EIF4E1B: variants seen among roughly 807,000 people sequenced by gnomAD.
EIF4E1B encodes eukaryotic translation initiation factor 4E family member 1B, also known as eukaryotic translation initiation factor 4E type 1B.
EIF4E1B carries 22 observed loss-of-function variants against 31.3 expected under a neutral mutation model. That is an observed-to-expected ratio of 0.70 (90% confidence interval 0.50 to 1.00). EIF4E1B has a LOEUF of 1.00. Among genes scored for constraint, EIF4E1B ranks in the 50% least tolerant of loss-of-function variants. EIF4E1B has a pLI of 0.00. For missense variants in EIF4E1B, 290 were observed against 311.6 expected (o/e 0.93, Z 0.52); for synonymous variants, 126 against 120.2 (o/e 1.05, Z -0.31).
At chr5:176,634,347 G>T (rs182436184) in intron 1 of EIF4E1B, among the ~76,000 whole-genome samples, 2 of 152,142 alleles carry the variant, frequency 1.3e-5, no homozygotes, top group Non-Finnish European at 2.9e-5. Flanking sequence ...GGCGGGAAAA[G>T]GGTAGGCAGG....
intron 1 of EIF4E1B, among the ~76,000 whole-genome samples, chr5:176,635,280 G>A (rs1283126033): frequency 6.6e-6 from 1 of 152,022 alleles, no homozygotes; most frequent in Non-Finnish European, 1.5e-5. Flanking sequence ...CTAGAGGGAG[G>A]CCGAAGGAGA....
At chr5:176,643,765 TG>T (rs754129447) in intron 5 of EIF4E1B, 31 bp downstream of exon 5, 3 of 1,592,680 alleles carry the variant, frequency 1.9e-6, no homozygotes, top group Admixed American at 1.8e-5. Context: ...GGGCTAGAGT[TG>T]GGGGGCTCTG....
At chr5:176,632,423 T>G (rs1760418407) in intron 1 of EIF4E1B, among the ~76,000 whole-genome samples, 1 of 152,100 alleles carries the variant, frequency 6.6e-6, no homozygotes, top group Non-Finnish European at 1.5e-5. Flanking sequence ...GCCCAGCTAA[T>G]TTTTGTATTT....
At chr5:176,639,685 G>A (rs1440980731) in intron 1 of EIF4E1B, among the ~76,000 whole-genome samples, 1 of 152,152 alleles carries the variant, frequency 6.6e-6, no homozygotes, top group Non-Finnish European at 1.5e-5. Context: ...GGGAAGCAAA[G>A]GCAGGAGAAT....
chr5:176,644,356 G>T lies in EIF4E1B; in HGVS notation c.297-20G>T. ...CTAAAAAGCCTTGACTTTTGGCATG[G>T]GGTCGGGGGCTCTGTCCAGGCTATA... On this transcript the variant is annotated intron_variant, in intron 5 of 8. Coordinates refer to ENST00000318682, the MANE Select transcript of EIF4E1B (RefSeq NM_001099408.2). 6.3e-7 allele frequency: 1 copy of T among 1,577,860 alleles called. No homozygotes were observed. Among genetic ancestry groups the T allele is most frequent in the Non-Finnish European group, 8.6e-7 (1 of 1,161,348 alleles).
chr5:176,635,772 G>A (rs1013872234), intron 1 of EIF4E1B, among the ~76,000 whole-genome samples: 1 of 152,130 alleles, frequency 6.6e-6, no homozygotes, highest in Non-Finnish European at 1.5e-5. Flanking sequence ...GAAGAGGGGA[G>A]GTAGGGTAAA....
chr5:176,642,986 T>G (rs1760614664), intron 3 of EIF4E1B, 96 bp from the exon 4 acceptor site: 1 of 1,514,986 alleles, frequency 6.6e-7, no homozygotes, highest in Non-Finnish European at 8.9e-7. Flanking sequence ...GTGAGTCCCC[T>G]GCCTTCCCCT....
chr5:176,636,588 C>T (rs1178579703), intron 1 of EIF4E1B, among the ~76,000 whole-genome samples: 11 of 152,160 alleles, frequency 7.2e-5, no homozygotes, highest in Non-Finnish European at 1.3e-4. Context: ...CTGTGTGTGG[C>T]GCCTGGCAGA....
intron 1 of EIF4E1B, among the ~76,000 whole-genome samples, chr5:176,637,766 T>A (rs2113441258): frequency 1.3e-5 from 2 of 152,186 alleles, no homozygotes; most frequent in Middle Eastern, 6.8e-3. Flanking sequence ...GAGGGCCTTG[T>A]GGGCTCCTGC....
intron 1 of EIF4E1B, among the ~76,000 whole-genome samples, chr5:176,639,328 A>G (rs1178518323): frequency 2.0e-5 from 3 of 152,194 alleles, no homozygotes; most frequent in African/African-American, 7.2e-5. Context: ...CTGGGATTTA[A>G]GAGCCCCTGC....
In EIF4E1B at chr5:176,645,741, T is replaced by C. The variant is rs1238344662; in HGVS notation, c.615-125T>C. On this transcript the variant is annotated intron_variant, in intron 8 of 8. Transcript: ENST00000318682. The surrounding 1 kb of genome is among the most constrained non-coding windows in gnomAD (Gnocchi z 5.4). Reference sequence around the variant, plus strand: ...GGGGGTCATATTTTGGGTTTCCACATGGGTAAGACACAACAGGTGTGGCTG... The same window carrying C: ...GGGGGTCATATTTTGGGTTTCCACACGGGTAAGACACAACAGGTGTGGCTG... 9.0e-7 allele frequency: 1 copy of C among 1,110,312 alleles called. No homozygotes were observed. Among genetic ancestry groups the C allele is most frequent in the Non-Finnish European group, 1.3e-6 (1 of 794,734 alleles). 68.8% of individuals were successfully genotyped at this position (1,110,312 alleles called of 1,614,324 possible). A position where few individuals can be genotyped will look rare whatever the true frequency, so the allele number is the denominator to read the frequency against.
At chr5:176,637,848 AT>A (rs1001469703) in intron 1 of EIF4E1B, among the ~76,000 whole-genome samples, 2 of 152,122 alleles carry the variant, frequency 1.3e-5, no homozygotes, top group Admixed American at 6.5e-5. Context: ...GGAGGGGACT[AT>A]TCTTGGGCAA....
In EIF4E1B at chr5:176,645,928, C is replaced by A. The variant is rs746706986; in HGVS notation, c.677C>A (p.Ala226Glu). The A allele has an allele frequency of 1.2e-6, 2 of 1,610,198 alleles. No individual in the cohort carries two copies. The highest frequency in any genetic ancestry group is 1.1e-5 in the South Asian group (1 of 90,226). Residue 226 changes from alanine (A) to glutamate (E), a missense_variant, in exon 9 of 9, where the codon GCA becomes GAA. Ala to Glu is a moderately radical substitution (Grantham distance 107). Transcript: ENST00000318682. This position sits in a 1 kb window ranked among gnomAD's most constrained non-coding sequence, Gnocchi z 5.4. The part of the protein sequence containing the change: ...PKTIIGYQAH[A>E]DTATKSNSLA... The stretch of plus-strand genomic sequence containing the variant: ...ACCATCATTGGGTACCAGGCCCATG[C>A]AGACACAGCCACCAAGAGCAACTCC...
Position 176,643,643 on chromosome 5 carries a change from G to A in EIF4E1B, c.205G>A (p.Ala69Thr), listed in dbSNP as rs1760637521. The A allele has an allele frequency of 6.2e-7, 1 of 1,606,414 alleles. No individual in the cohort carries two copies. The highest frequency in any genetic ancestry group is 1.7e-5 in the Admixed American group (1 of 58,798). ...LELHPLQNRW[A>T]LWFFKNDRSR... is the part of the protein sequence containing the mutation. ...GCCTCCCCCTTCCCCTACCAGGTGG[G>A]CTCTGTGGTTCTTCAAGAATGACCG... The change falls in exon 5 of 9, where the codon GCT (alanine) becomes ACT (threonine). Residue 69 changes from alanine (A) to threonine (T), a missense_variant. Ala to Thr is a moderately conservative substitution (Grantham distance 58). Transcript: ENST00000318682.
At chr5:176,640,511 C>T (rs1263770066) in intron 1 of EIF4E1B, among the ~76,000 whole-genome samples, 1 of 152,244 alleles carries the variant, frequency 6.6e-6, no homozygotes, top group Non-Finnish European at 1.5e-5. Context: ...CACTAAATAT[C>T]ACTGAGTTTT....
chr5:176,634,950 G>A (rs1760469980), intron 1 of EIF4E1B, among the ~76,000 whole-genome samples: 1 of 152,130 alleles, frequency 6.6e-6, no homozygotes. Context: ...TTACAGGCAT[G>A]AGCCACCACG....
chr5:176,643,222 G>A lies in EIF4E1B; in HGVS notation c.156G>A (p.Gly52=). Residue 52 remains glycine (G), a synonymous_variant, in exon 4 of 9, where the codon GGG becomes GGA. Coordinates refer to ENST00000318682, the MANE Select transcript of EIF4E1B (RefSeq NM_001099408.2). ...CTCTGAGAGGGAAGGCCCGGACGGGGGGCCCCATGGAAGTCAAGCTGGAGC... is the reference window on the plus strand; with the variant it reads ...CTCTGAGAGGGAAGGCCCGGACGGGAGGCCCCATGGAAGTCAAGCTGGAGC... ...LLSLRGKART[G]GPMEVKLELH... is the part of the protein sequence containing the mutation. 6.2e-7 allele frequency: 1 copy of A among 1,612,974 alleles called. No individual in the cohort carries two copies. The highest frequency in any genetic ancestry group is 8.5e-7 in the Non-Finnish European group (1 of 1,179,850).
At chr5:176,643,336 C>T (rs2113447097) in intron 4 of EIF4E1B, 70 bp downstream of exon 4, 10 of 1,488,734 alleles carry the variant, frequency 6.7e-6, no homozygotes, top group Middle Eastern at 2.4e-4. Context: ...GCAGCGTGGC[C>T]TTGGGCAACC....
At chr5:176,643,600 C>T in intron 4 of EIF4E1B, 39 bp from the exon 5 acceptor site, 3 of 1,566,986 alleles carry the variant, frequency 1.9e-6, no homozygotes, top group Non-Finnish European at 2.6e-6. Context: ...GGACTTGGCT[C>T]TCTGCTTCCT....
Sources: gnomAD v4.1 joint callset for allele counts (sites outside exome capture counted in the v4.1 genomes callset) on GRCh38, gnomAD v4.1.1 for gene constraint, Gnocchi (gnomAD v3.1) non-coding constraint, MANE v1.5 for transcripts, NCBI Gene and HGNC (gene_info 2026-07-23, HGNC 2026-07-21) for gene names.